Variants in NCAM2 observed in about 807,000 individuals in gnomAD.
NCAM2 encodes the protein neural cell adhesion molecule 2.
NCAM2 carries 30 observed loss-of-function variants against 98.1 expected under a neutral mutation model. The ratio of observed to expected loss-of-function variants is 0.31; its 90% confidence interval spans 0.23 to 0.41. The LOEUF is 0.41. NCAM2 is among the 10% of genes least tolerant of loss of function. The probability of loss-of-function intolerance (pLI) is 1.00; values close to 1 mark genes in which losing one functional copy is unlikely to be tolerated. For synonymous variants in NCAM2, 368 were observed against 342.4 expected (o/e 1.07, Z -0.83); for missense variants, 867 against 1,005.8 (o/e 0.86, Z 1.87).
chr21:21,475,272 C>A (rs1985018771), intron 14 of NCAM2, among the ~76,000 whole-genome samples: 1 of 152,104 alleles, frequency 6.6e-6, no homozygotes, highest in Non-Finnish European at 1.5e-5. Flanking sequence ...CACCTCCCCA[C>A]TGGTGACCTG....
chr21:21,135,753 C>CT (rs920949812), intron 1 of NCAM2, among the ~76,000 whole-genome samples: 1 of 152,108 alleles, frequency 6.6e-6, no homozygotes, highest in Non-Finnish European at 1.5e-5. Context: ...CCAACCTGTG[C>CT]TTTTTTCAAC....
intron 1 of NCAM2, among the ~76,000 whole-genome samples, chr21:21,208,112 A>G (rs113526009): frequency 1.3e-5 from 2 of 152,282 alleles, no homozygotes; most frequent in South Asian, 4.1e-4. Context: ...GCTGTGTTAG[A>G]TCATAAGCCC....
chr21:21,370,531 A>G (rs1028857157), intron 8 of NCAM2, among the ~76,000 whole-genome samples: 14 of 151,868 alleles, frequency 9.2e-5, no homozygotes, highest in African/African-American at 2.9e-4. Context: ...AGTAGGTAAA[A>G]ATGCCCACTT....
intron 1 of NCAM2, among the ~76,000 whole-genome samples, chr21:21,096,601 A>G (rs2066129506): frequency 6.6e-6 from 1 of 151,780 alleles, no homozygotes; most frequent in Non-Finnish European, 1.5e-5. Context: ...TTCTCCTAGT[A>G]TCATTTATTA....
intron 5 of NCAM2, among the ~76,000 whole-genome samples, chr21:21,320,818 A>G (rs1303280012): frequency 6.6e-6 from 1 of 152,182 alleles, no homozygotes; most frequent in Non-Finnish European, 1.5e-5. Context: ...TTCATTTGTT[A>G]TCAAAGGAAG....
chr21:21,176,325 G>GA (rs1234714309), intron 1 of NCAM2, among the ~76,000 whole-genome samples: 1 of 151,910 alleles, frequency 6.6e-6, no homozygotes, highest in South Asian at 2.1e-4. Flanking sequence ...GAATAATTCA[G>GA]AAAAAAACAT....
chr21:21,171,931 A>G (rs906321815), intron 1 of NCAM2, among the ~76,000 whole-genome samples: 1 of 152,140 alleles, frequency 6.6e-6, no homozygotes, highest in East Asian at 1.9e-4. Context: ...TATATTTCCA[A>G]ATTGCAAGAA....
intron 16 of NCAM2, among the ~76,000 whole-genome samples, chr21:21,519,835 C>T (rs1988918159): frequency 6.6e-6 from 1 of 151,974 alleles, no homozygotes; most frequent in South Asian, 2.1e-4. Flanking sequence ...TACACATGAT[C>T]CCAAGCATTC....
chr21:21,147,671 A>G lies in NCAM2; in HGVS notation c.56-132907A>G, dbSNP rs1057249361. Among the ~76,000 whole-genome samples the G allele has an allele frequency of 1.8e-4, 27 of 148,562 alleles. No homozygotes were observed. The Admixed American group carries it at 1.8e-3, about 10-fold the overall frequency. ...ATTTAATAAATTTATATATATACAC[A>G]CTAGCGCATATGCACACATACATCA... On this transcript the variant is annotated intron_variant, in intron 1 of 17. Coordinates refer to ENST00000400546, the MANE Select transcript of NCAM2 (RefSeq NM_004540.5).
intron 5 of NCAM2, among the ~76,000 whole-genome samples, chr21:21,304,919 C>A (rs986507850): frequency 1.3e-5 from 2 of 152,070 alleles, no homozygotes; most frequent in Admixed American, 6.6e-5. Context: ...TTAATTGTAG[C>A]ATCATATATA....
chr21:21,525,232 A>G (rs1428760078), intron 16 of NCAM2, among the ~76,000 whole-genome samples: 1 of 152,120 alleles, frequency 6.6e-6, no homozygotes, highest in Non-Finnish European at 1.5e-5. Flanking sequence ...CTTTTAAAAG[A>G]TTAACGAAAT....
In NCAM2 at chr21:21,429,050, T is replaced by C. The variant is rs115990303; in HGVS notation, c.1481-3058T>C. Among the ~76,000 whole-genome samples the C allele has an allele frequency of 3.4e-3, 525 of 152,198 alleles. 4 individuals are homozygous for C. Among genetic ancestry groups the C allele is most frequent in the African/African-American group, 0.011 (472 of 41,542 alleles). On this transcript the variant is annotated intron_variant, in intron 11 of 17. Coordinates refer to ENST00000400546, the MANE Select transcript of NCAM2 (RefSeq NM_004540.5). ...CAGTTGGACTTATAAAACCAAAATG[T>C]AAAAAATATTTAGAAAGAGAATGAA...
rs1331459453 is a variant in NCAM2 at position 21,125,417 on chromosome 21, A to ATATATATGTAATATATAATATATTACG, written c.55+126804_55+126805insATGTAATATATAATATATTACGTATAT. ...ATATATGTAATATATAATATTTTAC[A>ATATATATGTAATATATAATATATTACG]TATATTCATACATATGTAATATATA... On this transcript the variant is annotated intron_variant, in intron 1 of 17. Transcript: ENST00000400546. 9.4e-5 allele frequency among the ~76,000 whole-genome samples: 13 copies of ATATATATGTAATATATAATATATTACG among 138,020 alleles called. 1 individual carries two copies. The highest frequency in any genetic ancestry group is 1.9e-4 in the Non-Finnish European group (12 of 64,862). The allele number at this position is 138,020 out of a possible 152,430, so 90.5% of individuals were successfully genotyped here.
At chr21:21,464,813 A>C (rs1983464560) in intron 12 of NCAM2, among the ~76,000 whole-genome samples, 1 of 152,132 alleles carries the variant, frequency 6.6e-6, no homozygotes, top group Admixed American at 6.6e-5. Flanking sequence ...ATTAACTACC[A>C]GTTATCAAGT....
At chr21:21,147,422 T>G (rs994821100) in intron 1 of NCAM2, among the ~76,000 whole-genome samples, 2 of 151,922 alleles carry the variant, frequency 1.3e-5, no homozygotes, top group Non-Finnish European at 2.9e-5. Flanking sequence ...TAATTTTTTA[T>G]TTTTTGAGAC....
chr21:21,045,099 A>G (rs927315415), intron 1 of NCAM2, among the ~76,000 whole-genome samples: 1 of 152,182 alleles, frequency 6.6e-6, no homozygotes, highest in Non-Finnish European at 1.5e-5. Flanking sequence ...GATGTATTTT[A>G]TAGTGCATTT....
At chr21:21,299,580 T>C (rs748974845) in intron 5 of NCAM2, among the ~76,000 whole-genome samples, 1 of 151,636 alleles carries the variant, frequency 6.6e-6, no homozygotes, top group Non-Finnish European at 1.5e-5. Context: ...TCTCTCTCTT[T>C]CTCTCCTTCC....
chr21:21,193,104 T>A (rs2068879478), intron 1 of NCAM2, among the ~76,000 whole-genome samples: 1 of 152,208 alleles, frequency 6.6e-6, no homozygotes, highest in Non-Finnish European at 1.5e-5. Flanking sequence ...TTATGGATTA[T>A]TCAAGGTAAC....
intron 1 of NCAM2, among the ~76,000 whole-genome samples, chr21:21,029,755 C>T (rs149571064): frequency 2.2e-4 from 34 of 152,110 alleles, no homozygotes; most frequent in Non-Finnish European, 4.4e-4. Flanking sequence ...CTTAGCCTCC[C>T]GAGTAGCTGG....
Sources: allele counts gnomAD v4.1 joint callset (sites outside exome capture counted in the v4.1 genomes callset), GRCh38; gene constraint gnomAD v4.1.1; transcripts MANE v1.5; gene names NCBI Gene and HGNC (gene_info 2026-07-23, HGNC 2026-07-21).